Variants in GIPR observed in about 807,000 individuals in gnomAD.
GIPR encodes GIP-R.
GIPR carries 74 observed loss-of-function variants against 62.2 expected under a neutral mutation model. The observed-to-expected ratio is 1.19, with a 90% CI of 0.99 to 1.44. The LOEUF is 1.44. Among genes scored for constraint, GIPR ranks in the 40% most tolerant of loss-of-function variants. The probability of loss-of-function intolerance (pLI) is 0.00; values close to 1 mark genes in which losing one functional copy is unlikely to be tolerated. For missense variants in GIPR, 664 were observed against 611.8 expected (o/e 1.09, Z -0.90); for synonymous variants, 256 against 262.2 (o/e 0.98, Z 0.23).
rs758601217 is a variant in GIPR, at chr19:45,677,038, GCA to G, written c.726_727del (p.His242GlnfsTer68). On this transcript the variant is annotated frameshift_variant, in exon 8 of 14. Coordinates refer to ENST00000590918, the MANE Select transcript of GIPR (RefSeq NM_000164.4). LOFTEE classifies it high-confidence loss of function. ...GGCTGCTGGTGGAGGGCGTCTACCT[GCA>G]CAGTCTCCTGGTGCTCGTGGGAGGC... ...TWLLVEGVYLHSLLVLVGGSE... is the reference protein window; with the variant it reads ...TWLLVEGVYLXSLLVLVGGSE... 8.7e-6 allele frequency: 14 copies of G among 1,613,852 alleles called. No homozygotes were observed. In the East Asian group the frequency reaches 2.7e-4, roughly 31 times the overall value.
Position 45,676,930 on chromosome 19 carries a change from C to T in GIPR, c.634-19C>T, listed in dbSNP as rs1478325351. 12 of 1,612,610 alleles carry T rather than the reference C, an allele frequency of 7.4e-6. No individual in the cohort carries two copies. The highest frequency in any genetic ancestry group is 5.3e-5 in the African/African-American group (4 of 74,916). On this transcript the variant is annotated intron_variant, in intron 7 of 13. Coordinates refer to ENST00000590918, the MANE Select transcript of GIPR (RefSeq NM_000164.4). ...CGGGCAGCGCTGACTACCCCTCTAC[C>T]GGTCTGGCCCCTCCCTAGGCCCTCG... is the stretch of plus-strand genomic sequence containing the variant.
At chr19:45,675,674 C>A (rs1398799137) in intron 7 of GIPR, among the ~76,000 whole-genome samples, 3 of 148,030 alleles carry the variant, frequency 2.0e-5, no homozygotes, top group East Asian at 4.0e-4. Flanking sequence ...TCGCTTTTTG[C>A]CCAGGAGTTC....
intron 2 of GIPR, 106 bp downstream of exon 2, chr19:45,669,698 C>G: frequency 4.1e-6 from 6 of 1,449,698 alleles, no homozygotes; most frequent in Middle Eastern, 2.5e-4. Context: ...GTAATCCCAG[C>G]ACTTTGGGAG....
At chr19:45,681,564 C>A (rs1427353120) in intron 12 of GIPR, 40 bp from the exon 13 acceptor site, 1 of 1,585,108 alleles carries the variant, frequency 6.3e-7, no homozygotes, top group Admixed American at 1.7e-5. Flanking sequence ...TACAGTCCTG[C>A]CCCCACCAGC....
At chr19:45,676,373 TTTTG>T (rs1362880591) in intron 7 of GIPR, among the ~76,000 whole-genome samples, 1 of 151,584 alleles carries the variant, frequency 6.6e-6, no homozygotes, top group Non-Finnish European at 1.5e-5. Context: ...TTATTTTTTG[TTTTG>T]TTTTTGTTTG....
At position 45,682,068 on chromosome 19, in the gene GIPR, C is replaced by G; in HGVS notation, c.*133C>G. 1 of 744,686 alleles carries G rather than the reference C, an allele frequency of 1.3e-6. No homozygotes were observed. The allele number at this position is 744,686 out of a possible 1,614,324, so 46.1% of individuals were successfully genotyped here. A position where few individuals can be genotyped will look rare whatever the true frequency, so the allele number is the denominator to read the frequency against. ...AAGGTCCCTGCCCTTCTGGAGATGA[C>G]AACTGAGTGGGGAAAACAGACCGTG... On this transcript the variant is annotated 3_prime_UTR_variant, in exon 14 of 14. Transcript: ENST00000590918.
rs142528936 is a variant in GIPR, at chr19:45,672,865, G to T, written c.295G>T (p.Val99Phe). ...PWHHHVAAGF[V>F]LRQCGSDGQW... ...TTTCCCCACAGTGGCTGCAGGTTTC[G>T]TCCTCCGCCAGTGTGGCAGTGATGG... Residue 99 changes from valine (V) to phenylalanine (F), a missense_variant, in exon 5 of 14, where the codon GTC (valine) becomes TTC (phenylalanine). Coordinates refer to ENST00000590918, the MANE Select transcript of GIPR (RefSeq NM_000164.4). 3.5e-5 allele frequency: 56 copies of T among 1,610,408 alleles called. No individual in the cohort carries two copies. The African/African-American group carries it at 5.7e-4, about 17-fold the overall frequency.
chr19:45,675,069 TCTCC>T (rs752988662), intron 7 of GIPR: 23 of 526,924 alleles, frequency 4.4e-5, no homozygotes, highest in Middle Eastern at 6.0e-4. Flanking sequence ...TTTCCGTTCC[TCTCC>T]CTCATTATTT....
intron 8 of GIPR, 99 bp from the exon 9 acceptor site, chr19:45,677,224 A>T (rs1600307213): frequency 7.7e-7 from 1 of 1,299,294 alleles, no homozygotes; most frequent in Non-Finnish European, 1.1e-6. Context: ...TGCCTTCCCC[A>T]CCCCGACAGA....
chr19:45,671,163 T>C lies in GIPR; in HGVS notation c.173-122T>C, dbSNP rs1731003153. On this transcript the variant is annotated intron_variant, in intron 3 of 13. Coordinates refer to ENST00000590918, the MANE Select transcript of GIPR (RefSeq NM_000164.4). ...GAGTGGGCGGGGCTAGAGCCGGGCT[T>C]GGTGTGGCCGGCGGAGAAGCACTTG... 9.6e-6 allele frequency: 7 copies of C among 730,942 alleles called. No individual in the cohort carries two copies. The South Asian group carries it at 9.8e-5, about 10-fold the overall frequency. The allele number at this position is 730,942 out of a possible 1,614,324, so 45.3% of individuals were successfully genotyped here. A position where few individuals can be genotyped will look rare whatever the true frequency, so the allele number is the denominator to read the frequency against.
intron 12 of GIPR, among the ~76,000 whole-genome samples, chr19:45,681,395 T>C (rs1277138676): frequency 6.6e-6 from 1 of 152,088 alleles, no homozygotes; most frequent in East Asian, 1.9e-4. Flanking sequence ...CTCAGGAGGC[T>C]GAAGCAGGAT....
chr19:45,682,135 T>A lies in GIPR; in HGVS notation c.*200T>A. 1.6e-6 allele frequency: 1 copy of A among 608,636 alleles called. No individual in the cohort carries two copies. The highest frequency in any genetic ancestry group is 2.0e-5 in the South Asian group (1 of 49,338). 37.7% of individuals were successfully genotyped at this position (608,636 alleles called of 1,614,324 possible). ...TTCCACACACGCTATGGAATGGTTA[T>A]GAAGGGAAGCGAGAAGGGGGCCTAG... On this transcript the variant is annotated 3_prime_UTR_variant, in exon 14 of 14. Coordinates refer to ENST00000590918, the MANE Select transcript of GIPR (RefSeq NM_000164.4).
chr19:45,670,819 G>T, intron 3 of GIPR, 85 bp downstream of exon 3: 1 of 828,594 alleles, frequency 1.2e-6, no homozygotes, highest in South Asian at 1.6e-5. Context: ...GACGGGCGGG[G>T]AAGAAATCTC....
intron 12 of GIPR, 40 bp from the exon 13 acceptor site, chr19:45,681,563 GC>G (rs1967224901): frequency 5.7e-6 from 9 of 1,589,924 alleles, no homozygotes; most frequent in Admixed American, 1.7e-5. Flanking sequence ...TTACAGTCCT[GC>G]CCCCACCAGC....
At position 45,681,786 on chromosome 19, in the gene GIPR, G is replaced by A. The variant is rs746270293; in HGVS notation, c.1252G>A (p.Glu418Lys). The A allele has an allele frequency of 2.5e-6, 4 of 1,593,226 alleles. No homozygotes were observed. The highest frequency in any genetic ancestry group is 3.4e-6 in the Non-Finnish European group (4 of 1,169,660). The change falls in exon 14 of 14, where the codon GAG becomes AAG. Residue 418 changes from glutamate (E) to lysine (K), a missense_variant. Transcript: ENST00000590918. ...CTGCCGCCTGCGCCGCAGCCTGGGCGAGGAGCAACGCCAGCTCCCGGAGCG... is the reference window on the plus strand; with the variant it reads ...CTGCCGCCTGCGCCGCAGCCTGGGCAAGGAGCAACGCCAGCTCCCGGAGCG... ...HHCRLRRSLG[E>K]EQRQLPERAF...
At chr19:45,681,499 A>AAAGC in intron 12 of GIPR, 105 bp from the exon 13 acceptor site, 1 of 987,328 alleles carries the variant, frequency 1.0e-6, no homozygotes, top group Non-Finnish European at 1.6e-6. Flanking sequence ...CCGACTCTTA[A>AAAGC]AAACAAACAA....
chr19:45,672,694 C>T, intron 4 of GIPR, 157 bp from the exon 5 acceptor site: 1 of 662,400 alleles, frequency 1.5e-6, no homozygotes, highest in Non-Finnish European at 2.8e-6. Context: ...TAAATTAATA[C>T]AAATAACATG....
chr19:45,677,881 G>A (rs1203727513), intron 10 of GIPR, 25 bp from the exon 11 acceptor site: 5 of 1,609,270 alleles, frequency 3.1e-6, no homozygotes, highest in African/African-American at 1.3e-5. Context: ...ATCGCGGCTG[G>A]CTCAGCCCTT....
chr19:45,670,596 G>A (rs1363994761), intron 2 of GIPR, 39 bp from the exon 3 acceptor site: 2 of 1,419,890 alleles, frequency 1.4e-6, no homozygotes, highest in Non-Finnish European at 2.0e-6. Flanking sequence ...TGGGAGCGGG[G>A]GTCGGTCTGG....
Sources: gnomAD v4.1 joint callset for allele counts (sites outside exome capture counted in the v4.1 genomes callset) on GRCh38, gnomAD v4.1.1 for gene constraint, MANE v1.5 for transcripts, NCBI Gene and HGNC (gene_info 2026-07-23, HGNC 2026-07-21) for gene names.